Variants in AOPEP observed in about 807,000 individuals in gnomAD.
AOPEP encodes the protein aminopeptidase O.
Under a neutral mutation model 98.1 loss-of-function variants are expected in AOPEP, and 77 were observed. The ratio of observed to expected loss-of-function variants is 0.78; its 90% CI spans 0.65 to 0.95. The LOEUF (loss-of-function observed/expected upper bound fraction) is 0.95, where lower values mean the gene tolerates loss of function less well. AOPEP is among the 40% of genes least tolerant of loss of function. The pLI is 0.00. For synonymous variants in AOPEP, 346 were observed against 365.3 expected (o/e 0.95, Z 0.60); for missense variants, 1,024 against 1,024.7 (o/e 1.00, Z 0.01).
intron 5 of AOPEP, chr9:94,904,529 T>C (rs1341736657): frequency 1.3e-5 from 2 of 152,188 alleles, no homozygotes; most frequent in South Asian, 2.1e-4. Context: ...ATATCTGTTT[T>C]TGAAAATCAT....
chr9:94,943,919 CAAAAAAAAAA>C (rs775807087), intron 7 of AOPEP, among the ~76,000 whole-genome samples: 561 of 17,376 alleles, frequency 0.032, 4 homozygotes, highest in African/African-American at 0.052. Flanking sequence ...GACTCCATCT[CAAAAAAAAAA>C]AAAAAAAAAA....
At chr9:94,927,303 C>A (rs2054501548) in intron 6 of AOPEP, among the ~76,000 whole-genome samples, 1 of 152,200 alleles carries the variant, frequency 6.6e-6, no homozygotes, top group Admixed American at 6.5e-5. Context: ...TACAGTCACA[C>A]CGGGGTAAGG....
chr9:95,087,105 C>A lies in AOPEP; in HGVS notation c.*428C>A. ...GACCAGTGGGCGCCATTTAAAAGAACAGGATGAGAATCTAAGATATATTAT... is the reference window on the plus strand; with the variant it reads ...GACCAGTGGGCGCCATTTAAAAGAAAAGGATGAGAATCTAAGATATATTAT... On this transcript the variant is annotated 3_prime_UTR_variant, in exon 17 of 17. Transcript: ENST00000375315. 5.3e-6 allele frequency: 1 copy of A among 188,218 alleles called. No homozygotes were observed. The highest frequency in any genetic ancestry group is 9.9e-6 in the Non-Finnish European group (1 of 101,016). 11.7% of individuals were successfully genotyped at this position (188,218 alleles called of 1,614,324 possible). A position where few individuals can be genotyped will look rare whatever the true frequency, so the allele number is the denominator to read the frequency against.
chr9:94,757,821 C>T (rs111849727), intron 1 of AOPEP, among the ~76,000 whole-genome samples: 4,581 of 152,082 alleles, frequency 0.03, 238 homozygotes, highest in African/African-American at 0.1. Flanking sequence ...CAACAAAATA[C>T]TGTATGTTAG....
chr9:94,787,183 A>G (rs905367746), intron 3 of AOPEP, among the ~76,000 whole-genome samples: 5 of 152,124 alleles, frequency 3.3e-5, no homozygotes, highest in African/African-American at 1.2e-4. Flanking sequence ...CACTATTGCT[A>G]TCTCACTCTC....
At chr9:94,870,725 A>C (rs2046250057) in intron 5 of AOPEP, among the ~76,000 whole-genome samples, 1 of 152,262 alleles carries the variant, frequency 6.6e-6, no homozygotes, top group Non-Finnish European at 1.5e-5. Context: ...GTGAAGATAT[A>C]AGTTGGATCT....
At chr9:94,854,134 A>T (rs1360735913) in intron 5 of AOPEP, among the ~76,000 whole-genome samples, 2 of 152,244 alleles carry the variant, frequency 1.3e-5, no homozygotes, top group Non-Finnish European at 2.9e-5. Context: ...AAGGACAAAA[A>T]GGACATTGTT....
At chr9:94,819,138 G>C (rs1025075241) in intron 5 of AOPEP, among the ~76,000 whole-genome samples, 4 of 152,188 alleles carry the variant, frequency 2.6e-5, no homozygotes, top group African/African-American at 9.7e-5. Context: ...GTTCCCACCA[G>C]TTAGACAAAG....
the AOPEP span, chr9:95,099,285 A>G: frequency 4.5e-6 from 1 of 222,426 alleles, no homozygotes; most frequent in Non-Finnish European, 9.0e-6. Context: ...CTCCTGCTAG[A>G]GTAAGGTCAG....
chr9:95,072,048 T>A (rs2134087980), intron 14 of AOPEP, among the ~76,000 whole-genome samples: 1 of 152,290 alleles, frequency 6.6e-6, no homozygotes, highest in Admixed American at 6.5e-5. Flanking sequence ...TTCAGTGACA[T>A]CATGTTGGTG....
the AOPEP span, among the ~76,000 whole-genome samples, chr9:95,128,978 C>A: frequency 6.6e-6 from 1 of 151,842 alleles, no homozygotes; most frequent in African/African-American, 2.4e-5. Flanking sequence ...TCTTGGCTCA[C>A]TGCAACCTCC....
chr9:95,107,483 A>T, the AOPEP span: 2 of 624,156 alleles, frequency 3.2e-6, no homozygotes. Context: ...CTTGCTCACC[A>T]AGCAGTCAGG....
At chr9:95,062,361 A>G (rs932861552) in intron 14 of AOPEP, among the ~76,000 whole-genome samples, 3 of 152,130 alleles carry the variant, frequency 2.0e-5, no homozygotes, top group Non-Finnish European at 4.4e-5. Flanking sequence ...CTTGCTCTAC[A>G]TGTGACCGAG....
the AOPEP span, among the ~76,000 whole-genome samples, chr9:95,122,597 G>A: frequency 6.6e-6 from 1 of 152,262 alleles, no homozygotes; most frequent in Non-Finnish European, 1.5e-5. Context: ...CCTTAGATAC[G>A]TATGCCTGGT....
intron 13 of AOPEP, among the ~76,000 whole-genome samples, chr9:95,050,169 T>C (rs371436208): frequency 7.2e-5 from 11 of 152,254 alleles, no homozygotes; most frequent in African/African-American, 2.7e-4. Context: ...TTGTGCAAAA[T>C]GTGTAACTTA....
At chr9:94,938,040 A>T (rs1267358036) in intron 7 of AOPEP, among the ~76,000 whole-genome samples, 1 of 152,014 alleles carries the variant, frequency 6.6e-6, no homozygotes, top group Non-Finnish European at 1.5e-5. Flanking sequence ...CACCCAGATA[A>T]TTTTTTGTAT....
At chr9:95,135,125 A>AT in the AOPEP span, among the ~76,000 whole-genome samples, 1 of 152,248 alleles carries the variant, frequency 6.6e-6, no homozygotes, top group Non-Finnish European at 1.5e-5. Flanking sequence ...GATATACGGC[A>AT]TATCAATCAA....
chr9:94,920,075 G>A (rs1009853757), intron 5 of AOPEP: 1 of 152,164 alleles, frequency 6.6e-6, no homozygotes, highest in Non-Finnish European at 1.5e-5. Context: ...ATCACCTGAG[G>A]TTGGGAGTTT....
At chr9:95,085,379 CAA>C (rs1207990344) in intron 16 of AOPEP, 2 of 499,576 alleles carry the variant, frequency 4.0e-6, no homozygotes, top group Non-Finnish European at 8.3e-6. Context: ...TCTTTGGAAA[CAA>C]AAGAAGCCAC....
Sources: gnomAD v4.1 joint callset for allele counts (sites outside exome capture counted in the v4.1 genomes callset) on GRCh38, gnomAD v4.1.1 for gene constraint, MANE v1.5 for transcripts, NCBI Gene and HGNC (gene_info 2026-07-23, HGNC 2026-07-21) for gene names.